FRMD4B: variants seen among roughly 807,000 people sequenced by gnomAD.
FRMD4B encodes FERM domain-containing protein 4B.
In FRMD4B, 74 loss-of-function variants were observed where a neutral mutation model predicts 141.5. The ratio of observed to expected loss-of-function variants is 0.52; its 90% CI spans 0.43 to 0.63. The LOEUF is 0.63. Among genes scored for constraint, FRMD4B ranks in the 30% least tolerant of loss-of-function variants. The probability of loss-of-function intolerance (pLI) is 0.00; values close to 1 mark genes in which losing one functional copy is unlikely to be tolerated. For missense variants in FRMD4B, 1,366 were observed against 1,253.4 expected, an observed-to-expected ratio of 1.09 and a Z score of -1.36; for synonymous variants, 506 against 467.9, an observed-to-expected ratio of 1.08 and a Z score of -1.05.
intron 2 of FRMD4B, among the ~76,000 whole-genome samples, chr3:69,396,449 G>A (rs559402197): frequency 3.9e-5 from 6 of 151,970 alleles, no homozygotes; most frequent in Non-Finnish European, 7.4e-5. Context: ...AGGCTGCAGT[G>A]AGCTGTGATG....
At chr3:69,540,507 G>A (rs1388306171) in intron 1 of FRMD4B, among the ~76,000 whole-genome samples, 1 of 149,062 alleles carries the variant, frequency 6.7e-6, no homozygotes, top group Non-Finnish European at 1.5e-5. Context: ...CCAGCTACTC[G>A]GGAGGCTGAG....
At chr3:69,260,549 G>GC (rs926916869) in intron 5 of FRMD4B, among the ~76,000 whole-genome samples, 10 of 152,186 alleles carry the variant, frequency 6.6e-5, no homozygotes, top group East Asian at 1.9e-4. Flanking sequence ...CCATGCCTGA[G>GC]CCCCCCCTTG....
At chr3:69,424,210 C>T (rs1705034858) in intron 2 of FRMD4B, among the ~76,000 whole-genome samples, 1 of 152,092 alleles carries the variant, frequency 6.6e-6, no homozygotes, top group African/African-American at 2.4e-5. Context: ...CTTATTTCCC[C>T]CTAGGTGTGA....
chr3:69,170,331 A>G lies in FRMD4B; in HGVS notation c.*1530T>C, dbSNP rs2092571831. The G allele has an allele frequency of 6.6e-6, 1 of 152,202 alleles. No individual in the cohort carries two copies. The highest frequency in any genetic ancestry group is 6.5e-5 in the Admixed American group (1 of 15,276). The allele number at this position is 152,202 out of a possible 1,614,324, so 9.4% of individuals were successfully genotyped here. On this transcript the variant is annotated 3_prime_UTR_variant, in exon 23 of 23. Coordinates refer to ENST00000398540, the MANE Select transcript of FRMD4B (RefSeq NM_015123.3). ...ATAATAGGTCTTGAAAAGTCAGAAC[A>G]ATAAAAGAATATGCAAAAAGGTTAT...
intron 1 of FRMD4B, among the ~76,000 whole-genome samples, chr3:69,457,985 T>C (rs1052891136): frequency 5.9e-5 from 9 of 152,178 alleles, no homozygotes; most frequent in African/African-American, 2.2e-4. Flanking sequence ...CTGGTGCCCA[T>C]AGAAGCCATC....
intron 21 of FRMD4B, among the ~76,000 whole-genome samples, chr3:69,179,179 T>A (rs934152044): frequency 3.3e-5 from 5 of 152,120 alleles, no homozygotes; most frequent in African/African-American, 4.8e-5. Flanking sequence ...GGGCCACATC[T>A]TGCTGGTGTC....
At chr3:69,408,020 T>C (rs969895310) in intron 2 of FRMD4B, among the ~76,000 whole-genome samples, 17 of 152,148 alleles carry the variant, frequency 1.1e-4, no homozygotes, top group African/African-American at 3.6e-4. Flanking sequence ...ACAGTCTCAA[T>C]TGTAGCTACT....
chr3:69,215,377 C>T (rs1230629343), intron 11 of FRMD4B, among the ~76,000 whole-genome samples: 1 of 137,010 alleles, frequency 7.3e-6, no homozygotes, highest in African/African-American at 2.7e-5. Flanking sequence ...ACTGCAACCT[C>T]TGCCTCCCAG....
At chr3:69,207,907 T>C (rs1483093706) in intron 11 of FRMD4B, among the ~76,000 whole-genome samples, 1 of 152,148 alleles carries the variant, frequency 6.6e-6, no homozygotes, top group Non-Finnish European at 1.5e-5. Context: ...TACACGGAAC[T>C]CCGTAAGCTC....
At chr3:69,426,274 A>G (rs1320160083) in intron 2 of FRMD4B, among the ~76,000 whole-genome samples, 1 of 152,192 alleles carries the variant, frequency 6.6e-6, no homozygotes, top group Non-Finnish European at 1.5e-5. Flanking sequence ...CTGGGGCTGT[A>G]ATGAATAGGT....
intron 2 of FRMD4B, among the ~76,000 whole-genome samples, chr3:69,401,737 TG>T (rs1704567448): frequency 1.3e-5 from 2 of 152,006 alleles, no homozygotes; most frequent in Non-Finnish European, 2.9e-5. Flanking sequence ...TTTGTAGAGA[TG>T]GGGTTTTGCC....
At chr3:69,237,558 G>A (rs2093353193) in intron 7 of FRMD4B, among the ~76,000 whole-genome samples, 1 of 152,074 alleles carries the variant, frequency 6.6e-6, no homozygotes, top group South Asian at 2.1e-4. Context: ...TGCAAAGAAG[G>A]CCTTCATGGG....
At chr3:69,390,233 AAC>A (rs1158818349), upstream of FRMD4B, among the ~76,000 whole-genome samples, 1 of 152,148 alleles carries the variant, frequency 6.6e-6, no homozygotes, top group Non-Finnish European at 1.5e-5. Context: ...GCCTGGCAAA[AAC>A]ACAGAGTCCA....
intron 2 of FRMD4B, among the ~76,000 whole-genome samples, chr3:69,395,680 T>A: frequency 6.6e-6 from 1 of 152,180 alleles, no homozygotes; most frequent in East Asian, 1.9e-4. Flanking sequence ...TAAAATTAAC[T>A]TTTTAGGATA....
intron 5 of FRMD4B, among the ~76,000 whole-genome samples, chr3:69,274,255 G>A (rs1038900451): frequency 6.6e-6 from 1 of 152,138 alleles, no homozygotes; most frequent in Non-Finnish European, 1.5e-5. Context: ...CTTTTATATA[G>A]TTTGCATATA....
chr3:69,217,774 A>G (rs2093156303), intron 10 of FRMD4B, among the ~76,000 whole-genome samples: 1 of 152,186 alleles, frequency 6.6e-6, no homozygotes, highest in South Asian at 2.1e-4. Context: ...ATCAATTATA[A>G]AATTATTTCT....
At chr3:69,176,895 T>C (rs1406150931) in intron 21 of FRMD4B, among the ~76,000 whole-genome samples, 1 of 152,162 alleles carries the variant, frequency 6.6e-6, no homozygotes, top group East Asian at 1.9e-4. Flanking sequence ...AATATTAATA[T>C]ATTCTGTATA....
Position 69,181,242 on chromosome 3 carries a change from G to A in FRMD4B, c.2508C>T (p.Asn836=), listed in dbSNP as rs762223223. The stretch of plus-strand genomic sequence containing the variant: ...AGTGGGCTGAGGACCGGTAGGAAGG[G>A]TTGACACTATACTGTCCCTCGGTGT... ...ENDTEGQYSV[N]PSYRSSAHYG... The change falls in exon 21 of 23, where the codon AAC becomes AAT. Residue 836 remains asparagine (N), a synonymous_variant. Coordinates refer to ENST00000398540, the MANE Select transcript of FRMD4B (RefSeq NM_015123.3). The A allele has an allele frequency of 1.2e-6, 2 of 1,613,432 alleles. No individual in the cohort carries two copies. The highest frequency in any genetic ancestry group is 1.3e-5 in the African/African-American group (1 of 74,886).
chr3:69,430,013 A>C (rs1705151545), intron 2 of FRMD4B, among the ~76,000 whole-genome samples: 1 of 151,904 alleles, frequency 6.6e-6, no homozygotes, highest in Non-Finnish European at 1.5e-5. Flanking sequence ...CACCCACCTC[A>C]GCCTCCCAAA....
Sources: allele counts gnomAD v4.1 joint callset (sites outside exome capture counted in the v4.1 genomes callset), GRCh38; gene constraint gnomAD v4.1.1; transcripts MANE v1.5; gene names NCBI Gene and HGNC (gene_info 2026-07-23, HGNC 2026-07-21).